PTPRD: variants seen among roughly 807,000 people sequenced by gnomAD.
PTPRD encodes protein tyrosine phosphatase receptor type D.
PTPRD carries 34 observed loss-of-function variants against 214.5 expected under a neutral mutation model. The ratio of observed to expected loss-of-function variants is 0.16; its 90% CI spans 0.12 to 0.21. The LOEUF (loss-of-function observed/expected upper bound fraction) is 0.21, where lower values mean the gene tolerates loss of function less well. Ranked by LOEUF, PTPRD falls within the 10% of genes least tolerant of loss-of-function variation. PTPRD has a pLI of 1.00. For missense variants in PTPRD, 2,545 were observed against 2,398.7 expected, an observed-to-expected ratio of 1.06 and a Z score of -1.27; for synonymous variants, 1,128 against 845.7, an observed-to-expected ratio of 1.33 and a Z score of -5.79.
chr9:9,520,715 A>G (rs986169727), intron 8 of PTPRD, among the ~76,000 whole-genome samples: 6 of 152,186 alleles, frequency 3.9e-5, no homozygotes, highest in Non-Finnish European at 7.3e-5. Flanking sequence ...TAAGCAAACA[A>G]CTTCTCAACT....
At chr9:9,002,149 A>G (rs1046056367) in intron 11 of PTPRD, among the ~76,000 whole-genome samples, 6 of 152,062 alleles carry the variant, frequency 3.9e-5, no homozygotes, top group Non-Finnish European at 8.8e-5. Context: ...AATACCTTAT[A>G]CCATATATTA....
At chr9:9,975,966 G>C (rs1332754372) in intron 4 of PTPRD, among the ~76,000 whole-genome samples, 2 of 152,176 alleles carry the variant, frequency 1.3e-5, no homozygotes. Context: ...CTGAAAAGCA[G>C]TAGAAGGCAT....
intron 8 of PTPRD, among the ~76,000 whole-genome samples, chr9:9,401,843 C>A (rs2070700064): frequency 6.6e-6 from 1 of 151,928 alleles, no homozygotes; most frequent in East Asian, 1.9e-4. Flanking sequence ...TCCCTCTTGG[C>A]TCGGCAATTC....
intron 5 of PTPRD, among the ~76,000 whole-genome samples, chr9:9,821,550 A>G (rs1043148042): frequency 1.3e-5 from 2 of 152,190 alleles, no homozygotes; most frequent in East Asian, 3.8e-4. Context: ...GAAAATATAT[A>G]AGATATAGAT....
intron 3 of PTPRD, among the ~76,000 whole-genome samples, chr9:10,222,867 C>A (rs562310938): frequency 4.6e-4 from 70 of 152,020 alleles, no homozygotes; most frequent in African/African-American, 1.5e-3. Flanking sequence ...TCTTATTAAC[C>A]AAAGCTCTGG....
chr9:10,542,459 T>C lies in PTPRD; in HGVS notation c.-600+69939A>G, dbSNP rs2059320232. ...TTCTCAACCATGACCTCTAATACCT[T>C]ACATAGTTATAAATACATTTTGTTG... On this transcript the variant is annotated intron_variant, in intron 2 of 45. Transcript: ENST00000381196. 2.0e-5 allele frequency among the ~76,000 whole-genome samples: 3 copies of C among 152,220 alleles called. No individual in the cohort carries two copies. In the South Asian group the frequency reaches 6.2e-4, roughly 31 times the overall value.
intron 2 of PTPRD, among the ~76,000 whole-genome samples, chr9:10,453,479 T>A (rs558665564): frequency 6.6e-6 from 1 of 151,640 alleles, no homozygotes; most frequent in Non-Finnish European, 1.5e-5. Context: ...TTCTTCAATA[T>A]CTTCCCTCAA....
intron 11 of PTPRD, among the ~76,000 whole-genome samples, chr9:8,774,884 C>T (rs949567802): frequency 3.3e-5 from 5 of 152,034 alleles, no homozygotes; most frequent in Admixed American, 6.5e-5. Context: ...AGCAATAATT[C>T]AAATGTTGAT....
chr9:8,374,783 A>G (rs1157077682), intron 39 of PTPRD, among the ~76,000 whole-genome samples: 1 of 152,004 alleles, frequency 6.6e-6, no homozygotes, highest in Non-Finnish European at 1.5e-5. Flanking sequence ...ATTTGCTGGA[A>G]AAGAGAAACT....
In PTPRD at chr9:9,629,926, G is replaced by C. The variant is rs541807584; in HGVS notation, c.-286-55145C>G. ...GAGTAGGGGAAATGAGAGTAGGTGA[G>C]ATTAGACAAAGTGAAAAACTTCCAG... is the stretch of plus-strand genomic sequence containing the variant. On this transcript the variant is annotated intron_variant, in intron 7 of 45. Coordinates refer to ENST00000381196, the MANE Select transcript of PTPRD (RefSeq NM_002839.4). Among the ~76,000 whole-genome samples, 16 of 152,270 alleles carry C rather than the reference G, an allele frequency of 1.1e-4. No homozygotes were observed. In the South Asian group the frequency reaches 3.1e-3, roughly 30 times the overall value.
chr9:8,899,571 C>T (rs923869952), intron 11 of PTPRD, among the ~76,000 whole-genome samples: 1 of 152,102 alleles, frequency 6.6e-6, no homozygotes, highest in African/African-American at 2.4e-5. Flanking sequence ...TTTGCTCCCC[C>T]CATCCTGCAA....
chr9:9,340,518 C>A lies in PTPRD; in HGVS notation c.-203+56931G>T, dbSNP rs960320442. Among the ~76,000 whole-genome samples, 3 of 152,144 alleles carry A rather than the reference C, an allele frequency of 2.0e-5. 1 individual carries two copies. In the South Asian group the frequency reaches 6.2e-4, roughly 32 times the overall value. The stretch of plus-strand genomic sequence containing the variant: ...AGTAGTTAACCTGAAATCCATTATC[C>A]AAAGTTGTTCAGTTAATGGGATCTA... On this transcript the variant is annotated intron_variant, in intron 9 of 45. Coordinates refer to ENST00000381196, the MANE Select transcript of PTPRD (RefSeq NM_002839.4).
At chr9:10,058,064 G>A (rs2097692192) in intron 3 of PTPRD, among the ~76,000 whole-genome samples, 2 of 152,034 alleles carry the variant, frequency 1.3e-5, no homozygotes, top group Non-Finnish European at 2.9e-5. Flanking sequence ...GTGTAGTGCT[G>A]AGAAGACAAG....
intron 7 of PTPRD, among the ~76,000 whole-genome samples, chr9:9,715,940 T>C (rs969509041): frequency 1.1e-4 from 17 of 152,154 alleles, no homozygotes; most frequent in Non-Finnish European, 7.3e-5. Context: ...GCCATGCTGG[T>C]GCGCTGCACC....
chr9:8,686,989 G>C (rs1461377027), intron 12 of PTPRD, among the ~76,000 whole-genome samples: 1 of 152,112 alleles, frequency 6.6e-6, no homozygotes, highest in Non-Finnish European at 1.5e-5. Flanking sequence ...GGGGAGAAGA[G>C]CCTGTGTAAC....
chr9:9,813,478 G>A (rs558918104), intron 5 of PTPRD, among the ~76,000 whole-genome samples: 3 of 152,078 alleles, frequency 2.0e-5, no homozygotes, highest in Admixed American at 1.3e-4. Context: ...AAAGATTATA[G>A]CAGGTTATTA....
intron 35 of PTPRD, among the ~76,000 whole-genome samples, chr9:8,431,014 G>T (rs1033387981): frequency 7.9e-5 from 12 of 152,170 alleles, no homozygotes; most frequent in Non-Finnish European, 2.9e-5. Flanking sequence ...ATGCTTTTCT[G>T]TAGTACTGTA....
intron 2 of PTPRD, among the ~76,000 whole-genome samples, chr9:10,378,607 T>C (rs149110114): frequency 6.6e-6 from 1 of 152,166 alleles, no homozygotes; most frequent in African/African-American, 2.4e-5. Flanking sequence ...GGAACCTATA[T>C]CAAAAATGAG....
At chr9:8,421,288 C>T (rs2094341260) in intron 35 of PTPRD, among the ~76,000 whole-genome samples, 1 of 151,864 alleles carries the variant, frequency 6.6e-6, no homozygotes, top group African/African-American at 2.4e-5. Context: ...TCCTTCTCTC[C>T]CTCTCTCTTC....
Sources: allele counts gnomAD v4.1 joint callset (sites outside exome capture counted in the v4.1 genomes callset), GRCh38; gene constraint gnomAD v4.1.1; transcripts MANE v1.5; gene names NCBI Gene and HGNC (gene_info 2026-07-23, HGNC 2026-07-21).